PIBF1: variants seen among roughly 807,000 people sequenced by gnomAD.
The protein encoded by PIBF1 is progesterone immunomodulatory binding factor 1.
Under a neutral mutation model 112.5 loss-of-function variants are expected in PIBF1, and 90 were observed. That is an observed-to-expected ratio of 0.80 (90% CI 0.67 to 0.95). The LOEUF (loss-of-function observed/expected upper bound fraction) is 0.95. Among genes scored for constraint, PIBF1 ranks in the 40% least tolerant of loss-of-function variants. The pLI, the probability that PIBF1 is intolerant of heterozygous loss-of-function variation, is 0.00. For synonymous variants in PIBF1, 301 were observed against 288.6 expected (o/e 1.04, Z -0.44); for missense variants, 915 against 852.3 (o/e 1.07, Z -0.92).
intron 10 of PIBF1, among the ~76,000 whole-genome samples, chr13:72,864,437 TTA>T (rs1250637107): frequency 6.6e-6 from 1 of 152,210 alleles, no homozygotes; most frequent in African/African-American, 2.4e-5. Flanking sequence ...GAAGGAAACA[TTA>T]TATGTGTGCA....
intron 14 of PIBF1, among the ~76,000 whole-genome samples, chr13:72,955,395 G>A (rs1434523860): frequency 6.6e-6 from 1 of 151,758 alleles, no homozygotes; most frequent in Non-Finnish European, 1.5e-5. Flanking sequence ...GTGTGTGTGT[G>A]TGTGTATGTG....
chr13:72,816,107 C>A (rs1056065080), intron 5 of PIBF1, among the ~76,000 whole-genome samples: 2 of 152,124 alleles, frequency 1.3e-5, no homozygotes, highest in African/African-American at 4.8e-5. Context: ...ATGGTGGGGT[C>A]TGCTAGACCC....
At chr13:72,921,894 A>G (rs1278659935) in intron 13 of PIBF1, among the ~76,000 whole-genome samples, 1 of 152,220 alleles carries the variant, frequency 6.6e-6, no homozygotes, top group Non-Finnish European at 1.5e-5. Flanking sequence ...GCACAATTTG[A>G]GTTTTCATTT....
At chr13:72,886,740 T>G (rs1460308668) in intron 10 of PIBF1, among the ~76,000 whole-genome samples, 2 of 152,080 alleles carry the variant, frequency 1.3e-5, no homozygotes, top group African/African-American at 2.4e-5. Flanking sequence ...ATACTCAGCA[T>G]TTTTAACTCA....
At chr13:72,800,575 C>T (rs1370588853) in intron 5 of PIBF1, among the ~76,000 whole-genome samples, 2 of 152,172 alleles carry the variant, frequency 1.3e-5, no homozygotes, top group African/African-American at 4.8e-5. Context: ...TAACATGTAA[C>T]ACCTACCACA....
chr13:72,807,186 A>T (rs925223431), intron 5 of PIBF1, among the ~76,000 whole-genome samples: 2 of 151,892 alleles, frequency 1.3e-5, no homozygotes, highest in Admixed American at 6.6e-5. Flanking sequence ...GCCAAAAAAA[A>T]AAAAGGAATA....
chr13:72,809,161 A>G (rs1315927129), intron 5 of PIBF1, among the ~76,000 whole-genome samples: 4 of 126,968 alleles, frequency 3.2e-5, no homozygotes, highest in Admixed American at 7.8e-5. Flanking sequence ...TTTTTAATTA[A>G]ACCTGTTGGG....
chr13:72,841,848 G>C (rs536772449), intron 9 of PIBF1, among the ~76,000 whole-genome samples: 128 of 152,230 alleles, frequency 8.4e-4, no homozygotes, highest in African/African-American at 3.0e-3. Flanking sequence ...TATGCAAAAA[G>C]TACATTATAA....
intron 10 of PIBF1, among the ~76,000 whole-genome samples, chr13:72,868,555 G>A (rs1036130204): frequency 6.6e-6 from 1 of 152,118 alleles, no homozygotes; most frequent in Non-Finnish European, 1.5e-5. Context: ...CTGTATGTTG[G>A]TGTAACAAAA....
At chr13:72,861,882 A>G (rs1374797179) in intron 10 of PIBF1, among the ~76,000 whole-genome samples, 4 of 152,244 alleles carry the variant, frequency 2.6e-5, no homozygotes, top group African/African-American at 7.2e-5. Flanking sequence ...GAGAGAAACT[A>G]TATATGAAAA....
chr13:72,985,408 G>A (rs1315996931), intron 16 of PIBF1, among the ~76,000 whole-genome samples: 5 of 151,016 alleles, frequency 3.3e-5, no homozygotes, highest in Non-Finnish European at 5.9e-5. Context: ...GGGCGGTGGC[G>A]GGTGCCTTGT....
chr13:72,876,468 A>G (rs2039410922), intron 10 of PIBF1, among the ~76,000 whole-genome samples: 1 of 152,100 alleles, frequency 6.6e-6, no homozygotes, highest in Non-Finnish European at 1.5e-5. Flanking sequence ...ATATCCACAA[A>G]ATAGATTGTT....
chr13:72,795,173 T>G (rs1219615040), intron 3 of PIBF1, among the ~76,000 whole-genome samples, 186 bp from the exon 4 acceptor site: 1 of 152,182 alleles, frequency 6.6e-6, no homozygotes, highest in Non-Finnish European at 1.5e-5. Flanking sequence ...ATTTAATAAT[T>G]AGTATGGAAT....
At chr13:72,854,289 TTTTCA>T in intron 10 of PIBF1, 134 bp downstream of exon 10, 1 of 606,194 alleles carries the variant, frequency 1.6e-6, no homozygotes, top group East Asian at 2.9e-5. Context: ...ATTTCAATAA[TTTTCA>T]TTTCAATTTT....
chr13:72,945,966 C>G (rs1487975255), intron 14 of PIBF1, among the ~76,000 whole-genome samples: 2 of 152,060 alleles, frequency 1.3e-5, no homozygotes, highest in Non-Finnish European at 2.9e-5. Context: ...ACTGGACTTT[C>G]CAGAACATGA....
intron 10 of PIBF1, among the ~76,000 whole-genome samples, chr13:72,886,732 A>G (rs2039873780): frequency 6.6e-6 from 1 of 152,066 alleles, no homozygotes; most frequent in Non-Finnish European, 1.5e-5. Flanking sequence ...TGTCAAACAT[A>G]CTCAGCATTT....
chr13:72,919,465 A>G (rs1267177644), intron 13 of PIBF1, among the ~76,000 whole-genome samples: 2 of 152,334 alleles, frequency 1.3e-5, no homozygotes, highest in African/African-American at 4.8e-5. Flanking sequence ...TCTAAAAGTC[A>G]CAATGGGTAA....
At chr13:72,869,842 T>TA (rs1280879353) in intron 10 of PIBF1, among the ~76,000 whole-genome samples, 1 of 151,970 alleles carries the variant, frequency 6.6e-6, no homozygotes, top group African/African-American at 2.4e-5. Context: ...TCTTTAATGA[T>TA]AGAGACCACT....
At chr13:72,982,563 A>C (rs1199846758) in intron 16 of PIBF1, among the ~76,000 whole-genome samples, 1 of 152,206 alleles carries the variant, frequency 6.6e-6, no homozygotes, top group Non-Finnish European at 1.5e-5. Flanking sequence ...GTTAATGTTC[A>C]TATTACTATG....
Sources: gnomAD v4.1 joint callset for allele counts (sites outside exome capture counted in the v4.1 genomes callset) on GRCh38, gnomAD v4.1.1 for gene constraint, MANE v1.5 for transcripts, NCBI Gene and HGNC (gene_info 2026-07-23, HGNC 2026-07-21) for gene names.